NOL4: variants seen among roughly 807,000 people sequenced by gnomAD.
NOL4 encodes cancer/testis antigen 125.
In NOL4, 17 loss-of-function variants were observed where a neutral mutation model predicts 75.9. The ratio of observed to expected loss-of-function variants is 0.22; its 90% CI spans 0.15 to 0.34. The LOEUF (loss-of-function observed/expected upper bound fraction) is 0.34. NOL4 is among the 10% of genes least tolerant of loss of function. NOL4 has a pLI of 1.00. For missense variants in NOL4, 614 were observed against 793.5 expected, an observed-to-expected ratio of 0.77 and a Z score of 2.72; for synonymous variants, 292 against 289.9, an observed-to-expected ratio of 1.01 and a Z score of -0.07.
At chr18:34,061,879 G>A (rs2077077618) in intron 5 of NOL4, among the ~76,000 whole-genome samples, 1 of 152,054 alleles carries the variant, frequency 6.6e-6, no homozygotes, top group Non-Finnish European at 1.5e-5. Context: ...TCAGTAGGCA[G>A]TTAACAATAT....
chr18:33,962,945 C>G (rs1346647299), intron 6 of NOL4, among the ~76,000 whole-genome samples: 2 of 152,130 alleles, frequency 1.3e-5, no homozygotes, highest in Non-Finnish European at 2.9e-5. Flanking sequence ...TATTCAGGAT[C>G]TAAATCTCAA....
At chr18:33,878,569 T>G (rs2064069621) in intron 10 of NOL4, among the ~76,000 whole-genome samples, 1 of 152,066 alleles carries the variant, frequency 6.6e-6, no homozygotes, top group Middle Eastern at 3.2e-3. Flanking sequence ...ACTATCTAGC[T>G]ATATATGAAA....
chr18:34,046,267 C>T (rs1305750854), intron 5 of NOL4, among the ~76,000 whole-genome samples: 1 of 151,988 alleles, frequency 6.6e-6, no homozygotes, highest in Non-Finnish European at 1.5e-5. Context: ...AACTTCTTTC[C>T]TAGATTCCTG....
At chr18:33,981,689 G>A (rs898525989) in intron 6 of NOL4, among the ~76,000 whole-genome samples, 4 of 152,074 alleles carry the variant, frequency 2.6e-5, no homozygotes, top group African/African-American at 9.6e-5. Context: ...GTTAAAAGAA[G>A]CTCTTTAGAT....
Position 34,104,147 on chromosome 18 carries a change from G to T in NOL4, c.539C>A (p.Pro180His), listed in dbSNP as rs1395778599. 1 of 1,608,268 alleles carries T rather than the reference G, an allele frequency of 6.2e-7. No individual in the cohort carries two copies. The highest frequency in any genetic ancestry group is 1.3e-5 in the African/African-American group (1 of 74,736). ...AATCATGCTGGTCACCAAAGTGGGA[G>T]GTTTTCCATTATCTGTAATAAAACA... ...DGTDHKDNGK[P>H]PTLVTSMIDY... Residue 180 changes from proline (P) to histidine (H), a missense_variant, in exon 4 of 11, where the codon CCT becomes CAT. Physicochemically the swap from Pro to His is moderately conservative, Grantham distance 77. This residue lies in a region of NOL4 where 135 missense variants were observed against 220.4 expected (regional missense o/e 0.61). Transcript: ENST00000261592.
intron 9 of NOL4, among the ~76,000 whole-genome samples, chr18:33,916,850 T>C (rs1049586595): frequency 2.0e-5 from 3 of 152,188 alleles, no homozygotes; most frequent in Non-Finnish European, 2.9e-5. Context: ...TCCTAAAGTA[T>C]AGCTTCAAGT....
intron 5 of NOL4, among the ~76,000 whole-genome samples, chr18:34,033,195 T>C (rs1337137964): frequency 6.6e-6 from 1 of 151,974 alleles, no homozygotes; most frequent in Non-Finnish European, 1.5e-5. Flanking sequence ...TTTCCAGCAA[T>C]AGATCCCAAT....
In NOL4 at chr18:34,224,519, C is replaced by A. The variant is rs1475612840; in HGVS notation, c.-1266G>T. ...AATAGGGGAGTTCCCATCCTCCTCG[C>A]GCGGCGGCTGCGGCCGCTCCTCTTT... On this transcript the variant is annotated 5_prime_UTR_variant, in exon 1 of 11. Coordinates refer to ENST00000261592, the MANE Select transcript of NOL4 (RefSeq NM_003787.5). 1 of 152,336 alleles carries A rather than the reference C, an allele frequency of 6.6e-6. No individual in the cohort carries two copies. Among genetic ancestry groups the A allele is most frequent in the Non-Finnish European group, 1.5e-5 (1 of 68,146 alleles). The allele number at this position is 152,336 out of a possible 1,614,324, so 9.4% of individuals were successfully genotyped here. A position where few individuals can be genotyped will look rare whatever the true frequency, so the allele number is the denominator to read the frequency against.
intron 10 of NOL4, among the ~76,000 whole-genome samples, chr18:33,853,303 G>A (rs1206890437): frequency 6.6e-6 from 1 of 151,958 alleles, no homozygotes; most frequent in Non-Finnish European, 1.5e-5. Flanking sequence ...AACTTTCTTG[G>A]AACATGTGTT....
intron 1 of NOL4, among the ~76,000 whole-genome samples, chr18:34,184,891 T>A (rs9945287): frequency 0.5 from 75,767 of 151,798 alleles, 18,985 homozygotes; most frequent in Admixed American, 0.56. Flanking sequence ...TACAAGTAAC[T>A]AATGGGTGAA....
chr18:33,983,810 C>T (rs1040003001), intron 6 of NOL4, among the ~76,000 whole-genome samples: 2 of 151,818 alleles, frequency 1.3e-5, no homozygotes, highest in South Asian at 4.1e-4. Flanking sequence ...AGCTTAGTTG[C>T]CCTTTTGCAT....
intron 6 of NOL4, among the ~76,000 whole-genome samples, chr18:33,992,110 T>C (rs1021963839): frequency 3.3e-5 from 5 of 152,016 alleles, no homozygotes; most frequent in African/African-American, 1.2e-4. Context: ...ATCTATTTTC[T>C]CTCCATTCTG....
intron 9 of NOL4, among the ~76,000 whole-genome samples, chr18:33,903,627 T>C (rs1229119354): frequency 6.6e-6 from 1 of 152,190 alleles, no homozygotes; most frequent in Non-Finnish European, 1.5e-5. Context: ...GATAGGCCAC[T>C]ATTCAAAGAG....
chr18:33,951,291 G>C (rs2069199722), intron 8 of NOL4, among the ~76,000 whole-genome samples: 1 of 152,094 alleles, frequency 6.6e-6, no homozygotes, highest in Non-Finnish European at 1.5e-5. Flanking sequence ...GCATTGATTT[G>C]TGAATTAAAA....
chr18:34,019,646 A>G (rs1344347448), intron 5 of NOL4, 45 bp from the exon 6 acceptor site: 11 of 1,547,590 alleles, frequency 7.1e-6, no homozygotes, highest in Non-Finnish European at 9.7e-6. Context: ...TTAATATGCT[A>G]TTCAGAGTCT....
chr18:34,187,440 C>CA (rs2034564674), intron 1 of NOL4, among the ~76,000 whole-genome samples: 1 of 142,348 alleles, frequency 7.0e-6, no homozygotes, highest in African/African-American at 2.7e-5. Flanking sequence ...TGCAGTGGCG[C>CA]ATCTCCACTC....
chr18:33,902,079 C>T (rs1474633230), intron 9 of NOL4, among the ~76,000 whole-genome samples: 1 of 151,658 alleles, frequency 6.6e-6, no homozygotes, highest in East Asian at 1.9e-4. Context: ...TCCAAGTATG[C>T]TGTAGATGGT....
intron 5 of NOL4, among the ~76,000 whole-genome samples, chr18:34,082,081 A>G (rs1363297679): frequency 6.6e-6 from 1 of 152,224 alleles, no homozygotes; most frequent in African/African-American, 2.4e-5. Context: ...AGCACAAGCT[A>G]TATAAAAATA....
rs1037696267 is a variant in NOL4 at position 33,868,762 on chromosome 18, A to G, written c.1723+14482T>C. Among the ~76,000 whole-genome samples the G allele has an allele frequency of 2.6e-5, 4 of 152,038 alleles. No homozygotes were observed. The South Asian group carries it at 6.2e-4, about 24-fold the overall frequency. ...TAAAAACTTGGGACAATGAAAATCTATAACAGAAACACTGATGCCTCATAA... is the reference window on the plus strand; with the variant it reads ...TAAAAACTTGGGACAATGAAAATCTGTAACAGAAACACTGATGCCTCATAA... On this transcript the variant is annotated intron_variant, in intron 10 of 10. Coordinates refer to ENST00000261592, the MANE Select transcript of NOL4 (RefSeq NM_003787.5).
Sources: allele counts gnomAD v4.1 joint callset (sites outside exome capture counted in the v4.1 genomes callset), GRCh38; gene constraint gnomAD v4.1.1; regional missense constraint gnomAD v4.1.1; transcripts MANE v1.5; gene names NCBI Gene and HGNC (gene_info 2026-07-23, HGNC 2026-07-21).